Variants in APOH observed in about 807,000 individuals in gnomAD.
APOH encodes beta-2-glycoprotein 1.
Under a neutral mutation model 39.8 loss-of-function variants are expected in APOH, and 48 were observed. That is an observed-to-expected ratio of 1.21 (90% CI 0.96 to 1.54). The LOEUF is 1.54. APOH is among the 40% of genes most tolerant of loss of function. The pLI is 0.00. For missense variants in APOH, 415 were observed against 421.2 expected, an observed-to-expected ratio of 0.99 and a Z score of 0.13; for synonymous variants, 153 against 151.1, an observed-to-expected ratio of 1.01 and a Z score of -0.09.
At chr17:66,224,544 A>G (rs1162588601) in intron 3 of APOH, among the ~76,000 whole-genome samples, 2 of 148,086 alleles carry the variant, frequency 1.4e-5, no homozygotes, top group Non-Finnish European at 3.0e-5. Context: ...GAGACAGACA[A>G]AGAAAGAAAG....
In APOH at chr17:66,225,064, G is replaced by GAA. The variant is rs35660567; in HGVS notation, c.338+962_338+963dup. Among the ~76,000 whole-genome samples the GAA allele has an allele frequency of 6.3e-5, 9 of 143,786 alleles. No homozygotes were observed. In the East Asian group the frequency reaches 1.8e-3, roughly 29 times the overall value. The allele number at this position is 143,786 out of a possible 152,430, so 94.3% of individuals were successfully genotyped here. The stretch of plus-strand genomic sequence containing the variant: ...CCTGGGTGACAGAGCAAAAAGAAAG[G>GAA]AAAAAAAAAAAAAGAAAGAAAAATG... On this transcript the variant is annotated intron_variant, in intron 3 of 7. Transcript: ENST00000205948.
chr17:66,216,530 TAAAG>T (rs2073366877), intron 6 of APOH, among the ~76,000 whole-genome samples: 1 of 148,598 alleles, frequency 6.7e-6, no homozygotes, highest in Admixed American at 6.7e-5. Context: ...TAAAAGCAAA[TAAAG>T]AAAGCCCACA....
rs751051254 is a variant in APOH at position 66,223,782 on chromosome 17, AG to A, written c.339-9del. ...GCGCCATTCAGATAAAACCTGCAAA[AG>A]GAAAATTCATTCTATCAAGGAGTAA... On this transcript the variant is annotated splice_polypyrimidine_tract_variant and intron_variant, in intron 3 of 7. Transcript: ENST00000205948. 6.2e-7 allele frequency: 1 copy of A among 1,613,486 alleles called. No homozygotes were observed.
chr17:66,223,831 A>C, intron 3 of APOH, 57 bp from the exon 4 acceptor site: 995 of 1,397,934 alleles, frequency 7.1e-4, no homozygotes, highest in Non-Finnish European at 9.1e-4. Context: ...CTGACATCTC[A>C]AATATCTTCT....
intron 5 of APOH, 144 bp downstream of exon 5, chr17:66,220,409 AC>A: frequency 1.4e-6 from 1 of 737,152 alleles, no homozygotes; most frequent in Non-Finnish European, 2.2e-6. Context: ...AGTGCCCAGC[AC>A]ACTGCCTGGC....
rs8178947 is a variant in APOH at position 66,212,415 on chromosome 17, C to T, written c.983-227G>A. ...TTTTCCTTTTTTTAAGACAGAGTCT[C>T]GCCCTGTTGCCCAGGTTGGAGTGCA... is the stretch of plus-strand genomic sequence containing the variant. On this transcript the variant is annotated intron_variant, in intron 7 of 7. Coordinates refer to ENST00000205948, the MANE Select transcript of APOH (RefSeq NM_000042.3). 2.3e-3 allele frequency among the ~76,000 whole-genome samples: 349 copies of T among 152,210 alleles called. 1 individual carries two copies. The highest frequency in any genetic ancestry group is 8.1e-3 in the African/African-American group (336 of 41,510).
chr17:66,226,310 C>A (rs1330126580), intron 2 of APOH, among the ~76,000 whole-genome samples, 186 bp from the exon 3 acceptor site: 1 of 152,120 alleles, frequency 6.6e-6, no homozygotes, highest in Non-Finnish European at 1.5e-5. Context: ...GATATATGTA[C>A]AAAAGCGTTC....
intron 4 of APOH, among the ~76,000 whole-genome samples, 179 bp from the exon 5 acceptor site, chr17:66,220,921 G>A (rs1555572505): frequency 6.6e-6 from 1 of 152,036 alleles, no homozygotes; most frequent in Non-Finnish European, 1.5e-5. Flanking sequence ...TGCCGGGCAC[G>A]GTGGCTCACG....
chr17:66,213,758 C>T (rs8178942), intron 7 of APOH, among the ~76,000 whole-genome samples: 1,700 of 152,100 alleles, frequency 0.011, 35 homozygotes, highest in African/African-American at 0.039. Flanking sequence ...GGCAACATGG[C>T]ATAATCTCTT....
chr17:66,216,832 T>G lies in APOH; in HGVS notation c.740A>C (p.Glu247Ala), dbSNP rs1235459205. ...AGACCAGTTTCCCAGTTTGGTACAT[T>G]CTATTTCTTCCGGGCCATCCAGAGA... ...GYSLDGPEEI[E>A]CTKLGNWSAM... Residue 247 changes from glutamate to alanine, a missense_variant, in exon 6 of 8, where the codon GAA (glutamate) becomes GCA (alanine). Around this residue, in one of 3 missense-constraint regions of APOH, gnomAD observed 7 missense variants for 25.6 expected, o/e 0.27. Coordinates refer to ENST00000205948, the MANE Select transcript of APOH (RefSeq NM_000042.3). 6.2e-7 allele frequency: 1 copy of G among 1,610,854 alleles called. No individual in the cohort carries two copies. Among genetic ancestry groups the G allele is most frequent in the African/African-American group, 1.3e-5 (1 of 74,958 alleles).
rs141236482 is a variant in APOH at position 66,224,934 on chromosome 17, G to A, written c.338+1094C>T. 4.4e-3 allele frequency among the ~76,000 whole-genome samples: 665 copies of A among 152,068 alleles called. 3 individuals carry two copies. Among genetic ancestry groups the A allele is most frequent in the Middle Eastern group, 0.02 (6 of 294 alleles). On this transcript the variant is annotated intron_variant, in intron 3 of 7. Coordinates refer to ENST00000205948, the MANE Select transcript of APOH (RefSeq NM_000042.3). ...ATACAAAAATTATCTGGGTGTGGTG[G>A]TAGGCGCCTGTAATCCCAGCTACTT...
chr17:66,227,186 G>C (rs904692487), intron 2 of APOH, among the ~76,000 whole-genome samples: 1 of 152,026 alleles, frequency 6.6e-6, no homozygotes, highest in African/African-American at 2.4e-5. Flanking sequence ...ACCTGGCCCT[G>C]ATTTAAAGAA....
At chr17:66,217,954 A>G (rs931739307) in intron 5 of APOH, among the ~76,000 whole-genome samples, 16 of 152,102 alleles carry the variant, frequency 1.1e-4, no homozygotes, top group Non-Finnish European at 7.3e-5. Flanking sequence ...AAAAAAAAAT[A>G]AGAATCCATG....
At chr17:66,220,885 T>C in intron 4 of APOH, 143 bp from the exon 5 acceptor site, 1 of 874,680 alleles carries the variant, frequency 1.1e-6, no homozygotes. Context: ...TTGTCAATTG[T>C]GGATGCCTAA....
At chr17:66,225,002 G>A (rs1424485813) in intron 3 of APOH, among the ~76,000 whole-genome samples, 6 of 151,622 alleles carry the variant, frequency 4.0e-5, no homozygotes, top group African/African-American at 1.5e-4. Context: ...AGGAGGTGGA[G>A]GTTGCAGTGA....
rs764275898 is a variant in APOH at position 66,226,130 on chromosome 17, A to T, written c.242-6T>A. ...AGCAAAAGGACATACTCTGGCTGTG[A>T]TACAAAGATAAAAAATGTTACTTTT... is the stretch of plus-strand genomic sequence containing the variant. On this transcript the variant is annotated splice_polypyrimidine_tract_variant and splice_region_variant and intron_variant, in intron 2 of 7. Coordinates refer to ENST00000205948, the MANE Select transcript of APOH (RefSeq NM_000042.3). 3.1e-6 allele frequency: 5 copies of T among 1,592,448 alleles called. No individual in the cohort carries two copies. The African/African-American group carries it at 6.8e-5, about 22-fold the overall frequency.
At chr17:66,224,723 G>A (rs2073427941) in intron 3 of APOH, among the ~76,000 whole-genome samples, 1 of 133,234 alleles carries the variant, frequency 7.5e-6, no homozygotes, top group African/African-American at 2.9e-5. Flanking sequence ...GAAAGGAAAG[G>A]AAAGGAAAGG....
Position 66,229,404 on chromosome 17 carries a change from C to T in APOH, c.-25G>A. 3 of 1,610,062 alleles carry T rather than the reference C, an allele frequency of 1.9e-6. No homozygotes were observed. The highest frequency in any genetic ancestry group is 2.5e-6 in the Non-Finnish European group (3 of 1,177,528). ...TTGTGGATGAGTCACACTGGCACTA[C>T]CAAAGTGGTTTTCGTCTGCTAAAAA... On this transcript the variant is annotated 5_prime_UTR_variant, in exon 1 of 8. Transcript: ENST00000205948.
rs954972914 is a variant in APOH, at chr17:66,228,220, G to A, written c.65-24C>T. On this transcript the variant is annotated intron_variant, in intron 1 of 7. Transcript: ENST00000205948. ...GGCTGAAAGAGGGCACAAAGCAGAT[G>A]GTTAACAAATCTCTATTTGCATTTT... The A allele has an allele frequency of 1.5e-5, 24 of 1,596,872 alleles. No homozygotes were observed. The African/African-American group carries it at 2.0e-4, about 13-fold the overall frequency.
Sources: gnomAD v4.1 joint callset for allele counts (sites outside exome capture counted in the v4.1 genomes callset) on GRCh38, gnomAD v4.1.1 for gene constraint, gnomAD v4.1.1 regional missense constraint, MANE v1.5 for transcripts, NCBI Gene and HGNC (gene_info 2026-07-23, HGNC 2026-07-21) for gene names.